Variants in PDE8B observed in about 807,000 individuals in gnomAD.
PDE8B encodes high affinity cAMP-specific and IBMX-insensitive 3',5'-cyclic phosphodiesterase 8B.
PDE8B carries 26 observed loss-of-function variants against 101.3 expected under a neutral mutation model. The ratio of observed to expected loss-of-function variants is 0.26; its 90% CI spans 0.19 to 0.36. The LOEUF (loss-of-function observed/expected upper bound fraction) is 0.36, where lower values mean the gene tolerates loss of function less well. PDE8B is among the 10% of genes least tolerant of loss of function. The pLI, the probability that PDE8B is intolerant of heterozygous loss-of-function variation, is 1.00. For synonymous variants in PDE8B, 424 were observed against 429.3 expected (o/e 0.99, Z 0.15); for missense variants, 810 against 1,163.1 (o/e 0.70, Z 4.42).
intron 1 of PDE8B, among the ~76,000 whole-genome samples, chr5:77,265,739 T>C (rs1405011258): frequency 2.0e-5 from 3 of 152,214 alleles, no homozygotes; most frequent in African/African-American, 7.2e-5. Flanking sequence ...GTAAGAATGT[T>C]CTTTGGGTAT....
chr5:77,112,144 T>C, the PDE8B span: 1 of 152,212 alleles, frequency 6.6e-6, no homozygotes, highest in East Asian at 1.9e-4. Flanking sequence ...TGAATCATAA[T>C]TGGAAGTAGG....
the PDE8B span, among the ~76,000 whole-genome samples, chr5:77,108,655 C>T: frequency 6.6e-6 from 1 of 152,160 alleles, no homozygotes; most frequent in South Asian, 2.1e-4. Context: ...TGCATTTCAG[C>T]CTGGGTGACA....
the PDE8B span, chr5:77,112,533 A>G: frequency 1.4e-4 from 22 of 152,186 alleles, no homozygotes; most frequent in African/African-American, 4.6e-4. Context: ...TCAAAATAAT[A>G]AGAGCTATTT....
intron 1 of PDE8B, among the ~76,000 whole-genome samples, chr5:77,244,969 C>A (rs1332237277): frequency 6.6e-6 from 1 of 152,174 alleles, no homozygotes; most frequent in Non-Finnish European, 1.5e-5. Context: ...AAGTTTAATA[C>A]AAAAATATCA....
the PDE8B span, among the ~76,000 whole-genome samples, chr5:77,173,018 T>C: frequency 0.68 from 103,046 of 152,140 alleles, 36,828 homozygotes; most frequent in East Asian, 0.93. Context: ...GGGTAGAGTC[T>C]CATCAGCTAA....
chr5:77,096,836 A>G, the PDE8B span, among the ~76,000 whole-genome samples: 2 of 152,042 alleles, frequency 1.3e-5, no homozygotes, highest in African/African-American at 4.8e-5. Flanking sequence ...GTTATATTGG[A>G]TTAGGACCCA....
chr5:77,166,864 C>T, the PDE8B span: 1 of 152,110 alleles, frequency 6.6e-6, no homozygotes, highest in Non-Finnish European at 1.5e-5. Flanking sequence ...AGTCAAACAG[C>T]CAAGAAGAGA....
At chr5:77,183,685 T>G in the PDE8B span, among the ~76,000 whole-genome samples, 1 of 152,182 alleles carries the variant, frequency 6.6e-6, no homozygotes, top group Non-Finnish European at 1.5e-5. Context: ...TTCATCAACA[T>G]GATCTGGGTG....
chr5:77,284,011 A>G (rs1222992830), intron 1 of PDE8B, among the ~76,000 whole-genome samples: 1 of 152,156 alleles, frequency 6.6e-6, no homozygotes, highest in Admixed American at 6.6e-5. Flanking sequence ...CAGTGCTTGC[A>G]ATTTTTCCAT....
At chr5:77,420,880 A>G (rs11738313) in intron 19 of PDE8B, among the ~76,000 whole-genome samples, 45,723 of 152,156 alleles carry the variant, frequency 0.3, 7,208 homozygotes, top group South Asian at 0.45. Flanking sequence ...TTGATAAGTA[A>G]TCAAAAACCT....
chr5:77,293,659 A>T (rs1457623367), intron 1 of PDE8B, among the ~76,000 whole-genome samples: 2 of 152,246 alleles, frequency 1.3e-5, no homozygotes, highest in Non-Finnish European at 2.9e-5. Flanking sequence ...GTTGCTCAGT[A>T]AACATTTGTT....
chr5:77,318,791 C>T (rs142277784), intron 2 of PDE8B, among the ~76,000 whole-genome samples: 52 of 152,266 alleles, frequency 3.4e-4, no homozygotes, highest in African/African-American at 1.2e-3. Flanking sequence ...ATGTGGTCTG[C>T]TTTAGAAGCT....
intron 1 of PDE8B, chr5:77,290,941 G>A (rs978567502): frequency 1.6e-5 from 26 of 1,610,508 alleles, no homozygotes; most frequent in Non-Finnish European, 2.2e-5. Context: ...TTGACTTGTG[G>A]TGGAGCAGAT....
intron 1 of PDE8B, among the ~76,000 whole-genome samples, chr5:77,282,639 C>T (rs533691672): frequency 2.0e-5 from 3 of 152,142 alleles, no homozygotes; most frequent in East Asian, 1.9e-4. Context: ...GTGCCTGCAG[C>T]GGCTGGACTC....
rs772985826 is a variant in PDE8B, at chr5:77,309,941, A to ACCTTTTT, written c.340-2053_340-2052insCCTTTTT. Among the ~76,000 whole-genome samples, 613 of 83,018 alleles carry ACCTTTTT rather than the reference A, an allele frequency of 7.4e-3. 55 individuals carry two copies. The highest frequency in any genetic ancestry group is 0.011 in the East Asian group (23 of 2,190). 54.5% of individuals were successfully genotyped at this position (83,018 alleles called of 152,430 possible). On this transcript the variant is annotated intron_variant, in intron 1 of 21. Coordinates refer to ENST00000264917, the MANE Select transcript of PDE8B (RefSeq NM_003719.5). ...AACTGGTTTCCCTTTTTAATCATTA[A>ACCTTTTT]TCTTTTTTTTTTTTTTTTTTTTTTT...
intron 3 of PDE8B, among the ~76,000 whole-genome samples, chr5:77,328,744 T>C (rs535870438): frequency 9.8e-5 from 15 of 152,346 alleles, no homozygotes. Flanking sequence ...TGCCAGTTTT[T>C]TAAGTGGAAA....
intron 1 of PDE8B, among the ~76,000 whole-genome samples, chr5:77,267,439 C>CAAAAA (rs1237992036): frequency 2.0e-5 from 2 of 98,198 alleles, no homozygotes; most frequent in African/African-American, 7.5e-5. Context: ...GACTCCATCT[C>CAAAAA]AAAAAAAAAA....
At chr5:77,363,660 C>T (rs993996956) in intron 10 of PDE8B, among the ~76,000 whole-genome samples, 1 of 149,480 alleles carries the variant, frequency 6.7e-6, no homozygotes, top group East Asian at 2.0e-4. Flanking sequence ...TGCCGTGAGC[C>T]GAGATCCCAC....
upstream of PDE8B, among the ~76,000 whole-genome samples, chr5:77,206,137 A>G (rs1291574394): frequency 6.6e-6 from 1 of 152,218 alleles, no homozygotes; most frequent in Non-Finnish European, 1.5e-5. Flanking sequence ...GAAAGGCAAA[A>G]GACAAAGAAA....
Sources: allele counts gnomAD v4.1 joint callset (sites outside exome capture counted in the v4.1 genomes callset), GRCh38; gene constraint gnomAD v4.1.1; transcripts MANE v1.5; gene names NCBI Gene and HGNC (gene_info 2026-07-23, HGNC 2026-07-21).